Variants in DPP3 observed in about 807,000 individuals in gnomAD.
The protein encoded by DPP3 is dipeptidyl peptidase 3, also known as DPP III.
A neutral mutation model predicts 89.8 loss-of-function variants in DPP3; 64 were observed. The observed-to-expected ratio is 0.71, with a 90% CI of 0.58 to 0.88. The LOEUF (loss-of-function observed/expected upper bound fraction) is 0.88. Ranked by LOEUF, DPP3 falls within the 40% of genes least tolerant of loss-of-function variation. The pLI, the probability that DPP3 is intolerant of heterozygous loss-of-function variation, is 0.00. For synonymous variants in DPP3, 377 were observed against 404.3 expected, an observed-to-expected ratio of 0.93 and a Z score of 0.81; for missense variants, 835 against 972.5, an observed-to-expected ratio of 0.86 and a Z score of 1.88.
chr11:66,495,088 C>T (rs1027344745), intron 12 of DPP3, 118 bp from the exon 13 acceptor site: 15 of 1,452,062 alleles, frequency 1.0e-5, no homozygotes, highest in South Asian at 5.9e-5. Context: ...CTGCTCCCGC[C>T]GCCCGCTCCT....
In DPP3 at chr11:66,486,650, G is replaced by A; in HGVS notation, c.471G>A (p.Arg157=). The change falls in exon 4 of 18, where the codon AGG becomes AGA. Residue 157 remains arginine (R), a synonymous_variant. Coordinates refer to ENST00000531863, the MANE Select transcript of DPP3 (RefSeq NM_130443.4). ...CGELMFSLEP[R]LRHLGLGKEG... ...AGCTTATGTTCTCTCTGGAGCCAAG[G>A]CTTCGACACCTCGGACTGGGGAAGG... The A allele has an allele frequency of 6.4e-7, 1 of 1,566,006 alleles. No individual in the cohort carries two copies. Among genetic ancestry groups the A allele is most frequent in the Non-Finnish European group, 8.7e-7 (1 of 1,155,130 alleles).
chr11:66,480,586 C>A, intron 1 of DPP3, 121 bp downstream of exon 1: 2 of 1,192,234 alleles, frequency 1.7e-6, no homozygotes, highest in Non-Finnish European at 2.2e-6. Context: ...CCTCCAAATT[C>A]ACCCCGCCCT....
intron 16 of DPP3, among the ~76,000 whole-genome samples, chr11:66,499,824 C>T (rs920910392): frequency 4.0e-5 from 6 of 151,602 alleles, no homozygotes; most frequent in African/African-American, 9.7e-5. Context: ...CCTTTTATCG[C>T]GTTATTTTGT....
chr11:66,480,607 G>C, intron 1 of DPP3, 142 bp downstream of exon 1: 2 of 1,001,266 alleles, frequency 2.0e-6, no homozygotes, highest in Middle Eastern at 2.2e-4. Flanking sequence ...CGAGGCCAAG[G>C]AGTGCTCCGG....
rs1855112125 is a variant in DPP3 at position 66,482,398 on chromosome 11, C to T, written c.198C>T (p.Leu66=). ...APYIYALLSR[L]FRAQDPDQLR... is the part of the protein sequence containing the mutation. Reference sequence around the variant, plus strand: ...ACATCTATGCTCTGCTCAGCCGCCTCTTCCGCGCCCAGGACCCCGACCAGC... The same window carrying T: ...ACATCTATGCTCTGCTCAGCCGCCTTTTCCGCGCCCAGGACCCCGACCAGC... Residue 66 remains leucine (L), a synonymous_variant, in exon 2 of 18, where the codon CTC becomes CTT. Transcript: ENST00000531863. The T allele has an allele frequency of 6.2e-7, 1 of 1,611,114 alleles. No homozygotes were observed. The highest frequency in any genetic ancestry group is 1.3e-5 in the African/African-American group (1 of 75,068).
chr11:66,490,798 T>C (rs1434205396), intron 6 of DPP3, among the ~76,000 whole-genome samples: 2 of 150,376 alleles, frequency 1.3e-5, no homozygotes, highest in Admixed American at 6.6e-5. Context: ...AGATGGAGTC[T>C]CTTCTCTGTT....
chr11:66,495,432 A>G lies in DPP3; in HGVS notation c.1520A>G (p.Glu507Gly), dbSNP rs761040615. The G allele has an allele frequency of 6.2e-7, 1 of 1,612,628 alleles. No individual in the cohort carries two copies. Among genetic ancestry groups the G allele is most frequent in the Non-Finnish European group, 8.5e-7 (1 of 1,179,302 alleles). ...SKFSTIASSYEECRAESVGLY... is the reference protein window; with the variant it reads ...SKFSTIASSYGECRAESVGLY... Reference sequence around the variant, plus strand: ...TTCAGCACCATCGCCTCCAGCTACGAAGAGTGCCGGGCTGAGAGCGTGGGT... The same window carrying G: ...TTCAGCACCATCGCCTCCAGCTACGGAGAGTGCCGGGCTGAGAGCGTGGGT... Residue 507 changes from glutamate (E) to glycine (G), a missense_variant, in exon 14 of 18, where the codon GAA (glutamate) becomes GGA (glycine). Glu to Gly is a moderately conservative substitution (Grantham distance 98). Transcript: ENST00000531863.
At position 66,486,528 on chromosome 11, in the gene DPP3, CT is replaced by C; in HGVS notation, c.361-9del. ...TGGTGTGACTGGGCCATTGGCCTCC[CT>C]TTCCTTGCAGGAAAAGCTGGAACGG... On this transcript the variant is annotated splice_polypyrimidine_tract_variant and intron_variant, in intron 3 of 17. Transcript: ENST00000531863. 6.7e-7 allele frequency: 1 copy of C among 1,495,800 alleles called. No homozygotes were observed. The highest frequency in any genetic ancestry group is 2.5e-5 in the East Asian group (1 of 39,304). 92.7% of individuals were successfully genotyped at this position (1,495,800 alleles called of 1,614,324 possible).
At chr11:66,481,742 G>A (rs1195349605) in intron 1 of DPP3, among the ~76,000 whole-genome samples, 1 of 151,904 alleles carries the variant, frequency 6.6e-6, no homozygotes, top group African/African-American at 2.4e-5. Context: ...CCACCTCCTG[G>A]GTTCAAGTGA....
At position 66,492,844 on chromosome 11, in the gene DPP3, T is replaced by C. The variant is rs112096215; in HGVS notation, c.1117T>C (p.Phe373Leu). The C allele has an allele frequency of 1.9e-6, 3 of 1,614,094 alleles. No individual in the cohort carries two copies. The highest frequency in any genetic ancestry group is 2.5e-6 in the Non-Finnish European group (3 of 1,180,012). The change falls in exon 10 of 18, where the codon TTC (phenylalanine) becomes CTC (leucine). Residue 373 changes from phenylalanine to leucine, a missense_variant. Phe to Leu is a conservative substitution (Grantham distance 22). Transcript: ENST00000531863. Reference protein sequence around the residue: ...FEKDKFLTPDFTSLDVLTFAG... With the variant: ...FEKDKFLTPDLTSLDVLTFAG... The stretch of plus-strand genomic sequence containing the variant: ...GAAGGACAAGTTCCTCACCCCTGAC[T>C]TCACCTCCCTGGATGTTCTCACCTT...
chr11:66,487,017 C>T (rs1449516854), intron 4 of DPP3, among the ~76,000 whole-genome samples: 1 of 152,112 alleles, frequency 6.6e-6, no homozygotes, highest in Admixed American at 6.5e-5. Context: ...AGGCCACATC[C>T]GTTGCATGGG....
At chr11:66,506,652 CCTT>C (rs1174172217) in intron 17 of DPP3, among the ~76,000 whole-genome samples, 1 of 152,102 alleles carries the variant, frequency 6.6e-6, no homozygotes, top group Non-Finnish European at 1.5e-5. Flanking sequence ...CCTCACCACC[CCTT>C]CTCTGGCTCA....
chr11:66,491,247 C>T lies in DPP3; in HGVS notation c.668-6C>T. ...TTTTCTCTTGAATGACACCTTCTTTCCCCAGAGCCTTCCCTGGACTCTGAG... is the reference window on the plus strand; with the variant it reads ...TTTTCTCTTGAATGACACCTTCTTTTCCCAGAGCCTTCCCTGGACTCTGAG... On this transcript the variant is annotated splice_region_variant and splice_polypyrimidine_tract_variant and intron_variant, in intron 6 of 17. Coordinates refer to ENST00000531863, the MANE Select transcript of DPP3 (RefSeq NM_130443.4). The T allele has an allele frequency of 6.2e-7, 1 of 1,612,866 alleles. No homozygotes were observed. The highest frequency in any genetic ancestry group is 1.3e-5 in the African/African-American group (1 of 74,982).
chr11:66,485,773 T>G (rs1447965329), intron 3 of DPP3, among the ~76,000 whole-genome samples: 3 of 152,218 alleles, frequency 2.0e-5, no homozygotes, highest in Admixed American at 6.5e-5. Flanking sequence ...TGAGACAGGG[T>G]CTTGCTCTGT....
rs377570361 is a variant in DPP3, at chr11:66,495,539, C to G, written c.1577+50C>G. The stretch of plus-strand genomic sequence containing the variant: ...GGGCTGTCCCGCTGCAGTGGCCAGC[C>G]CTGGGGGCGTGGAGGGTGGGTGGTA... On this transcript the variant is annotated intron_variant, in intron 14 of 17. Coordinates refer to ENST00000531863, the MANE Select transcript of DPP3 (RefSeq NM_130443.4). 1.4e-5 allele frequency: 23 copies of G among 1,611,436 alleles called. No individual in the cohort carries two copies. In the African/African-American group the frequency reaches 2.0e-4, roughly 14 times the overall value.
intron 6 of DPP3, among the ~76,000 whole-genome samples, chr11:66,490,961 G>A (rs1855366777): frequency 6.6e-6 from 1 of 151,934 alleles, no homozygotes; most frequent in African/African-American, 2.4e-5. Flanking sequence ...TAGAGACAGG[G>A]TTTCACCATG....
At position 66,504,679 on chromosome 11, in the gene DPP3, A is replaced by G; in HGVS notation, c.1946A>G (p.Asp649Gly). The G allele has an allele frequency of 6.2e-7, 1 of 1,613,132 alleles. No homozygotes were observed. The highest frequency in any genetic ancestry group is 1.1e-5 in the South Asian group (1 of 91,010). ...TACGAGGGGTATGCAACAGTCACTGATGCGCCCCCCGAGTGCTTCCTCACC... is the reference window on the plus strand; with the variant it reads ...TACGAGGGGTATGCAACAGTCACTGGTGCGCCCCCCGAGTGCTTCCTCACC... ...ALYEGYATVT[D>G]APPECFLTLR... The change falls in exon 17 of 18, where the codon GAT becomes GGT. Residue 649 changes from aspartate to glycine, a missense_variant. Transcript: ENST00000531863.
At chr11:66,481,190 A>G (rs1855068289) in intron 1 of DPP3, among the ~76,000 whole-genome samples, 2 of 152,118 alleles carry the variant, frequency 1.3e-5, no homozygotes, top group Admixed American at 1.3e-4. Context: ...TGGAAAGTGT[A>G]AAGAATTCTG....
At chr11:66,496,240 T>C (rs1411455109) in intron 15 of DPP3, among the ~76,000 whole-genome samples, 1 of 152,106 alleles carries the variant, frequency 6.6e-6, no homozygotes, top group Non-Finnish European at 1.5e-5. Flanking sequence ...ATAGAAACTT[T>C]TTTGTTTGTT....
Sources: allele counts gnomAD v4.1 joint callset (sites outside exome capture counted in the v4.1 genomes callset), GRCh38; gene constraint gnomAD v4.1.1; transcripts MANE v1.5; gene names NCBI Gene and HGNC (gene_info 2026-07-23, HGNC 2026-07-21).